The following CLEC17A variants were observed in gnomAD, a reference collection of about 807,000 sequenced individuals.
The protein encoded by CLEC17A is C-type lectin domain family 17, member A.
In CLEC17A, 37 loss-of-function variants were observed where a neutral mutation model predicts 61.3. The observed-to-expected ratio is 0.60, with a 90% CI of 0.46 to 0.79. The LOEUF (loss-of-function observed/expected upper bound fraction) is 0.79, where lower values mean the gene tolerates loss of function less well. Ranked by LOEUF, CLEC17A falls within the 30% of genes least tolerant of loss-of-function variation. The pLI is 0.00. For synonymous variants in CLEC17A, 168 were observed against 164.9 expected (o/e 1.02, Z -0.14); for missense variants, 418 against 464.7 (o/e 0.90, Z 0.92).
chr19:14,581,124 A>T (rs1177978971), upstream of CLEC17A, among the ~76,000 whole-genome samples: 1 of 152,178 alleles, frequency 6.6e-6, no homozygotes, highest in Non-Finnish European at 1.5e-5. Flanking sequence ...ATGGAAACCC[A>T]ACCTAATGTT....
At chr19:14,593,016 A>G (rs2146690620) in intron 4 of CLEC17A, among the ~76,000 whole-genome samples, 1 of 152,190 alleles carries the variant, frequency 6.6e-6, no homozygotes, top group Middle Eastern at 3.4e-3. Context: ...GTTGGCTGCA[A>G]AGTCCCCGAG....
upstream of CLEC17A, among the ~76,000 whole-genome samples, chr19:14,582,418 A>T (rs1421240603): frequency 3.3e-5 from 5 of 151,496 alleles, no homozygotes; most frequent in African/African-American, 4.8e-5. Context: ...TTCACTGTGT[A>T]AGCCAGGATG....
intron 10 of CLEC17A, among the ~76,000 whole-genome samples, chr19:14,597,819 G>T (rs541887000): frequency 6.6e-6 from 1 of 152,186 alleles, no homozygotes; most frequent in African/African-American, 2.4e-5. Context: ...GACTAAGCTC[G>T]TTTCAAACTC....
rs1568457320 is a variant in CLEC17A at position 14,599,448 on chromosome 19, C to T, written c.647-269C>T. Among the ~76,000 whole-genome samples, 4 of 152,100 alleles carry T rather than the reference C, an allele frequency of 2.6e-5. No individual in the cohort carries two copies. The South Asian group carries it at 8.3e-4, about 32-fold the overall frequency. On this transcript the variant is annotated intron_variant, in intron 10 of 13. Coordinates refer to ENST00000417570, the MANE Select transcript of CLEC17A (RefSeq NM_001204118.2). ...TGCCTCTTCCTCACCTCACAGTTATCGAATCACTTTCTTCCTTTAAAACCC... is the reference window on the plus strand; with the variant it reads ...TGCCTCTTCCTCACCTCACAGTTATTGAATCACTTTCTTCCTTTAAAACCC...
chr19:14,584,852 T>C (rs1457457466), intron 2 of CLEC17A, among the ~76,000 whole-genome samples: 4 of 151,124 alleles, frequency 2.6e-5, no homozygotes, highest in Non-Finnish European at 1.5e-5. Context: ...CTCTCTACTA[T>C]AGCCCAGCCT....
chr19:14,597,009 T>A lies in CLEC17A; in HGVS notation c.579T>A (p.Ile193=). The change falls in exon 9 of 14, where the codon ATT becomes ATA. Residue 193 remains isoleucine, a synonymous_variant. Coordinates refer to ENST00000417570, the MANE Select transcript of CLEC17A (RefSeq NM_001204118.2). The part of the protein sequence containing the change: ...LGCLGLTVTL[I]KYQELMEELR... ...GCCTTGGTCTCACTGTGACCCTGAT[T>A]AAGTGTGAGTAGGGCCAGGAAGGGA... The A allele has an allele frequency of 2.5e-6, 4 of 1,610,104 alleles. No homozygotes were observed. The highest frequency in any genetic ancestry group is 1.1e-5 in the South Asian group (1 of 90,216).
chr19:14,608,945 G>T (rs113979155), intron 13 of CLEC17A, among the ~76,000 whole-genome samples: 1 of 151,622 alleles, frequency 6.6e-6, no homozygotes, highest in Non-Finnish European at 1.5e-5. Context: ...GATTACAGGC[G>T]CCCGCCACCA....
At chr19:14,587,779 C>G in intron 3 of CLEC17A, 88 bp downstream of exon 3, 1 of 1,577,578 alleles carries the variant, frequency 6.3e-7, no homozygotes. Context: ...GACACACAGT[C>G]AGTCTCCTCT....
Position 14,583,568 on chromosome 19 carries a change from C to T in CLEC17A, c.121+134C>T, listed in dbSNP as rs912322466. ...CATGCCGGGCACTGTGGAACCCACA[C>T]CCTGCCCAGGACGACCTGTCAGTCT... On this transcript the variant is annotated intron_variant, in intron 2 of 13. Coordinates refer to ENST00000417570, the MANE Select transcript of CLEC17A (RefSeq NM_001204118.2). The T allele has an allele frequency of 5.2e-5, 79 of 1,519,028 alleles. No homozygotes were observed. The South Asian group carries it at 9.5e-4, about 18-fold the overall frequency. 94.1% of individuals were successfully genotyped at this position (1,519,028 alleles called of 1,614,324 possible). A position where few individuals can be genotyped will look rare whatever the true frequency, so the allele number is the denominator to read the frequency against.
chr19:14,583,440 A>G lies in CLEC17A; in HGVS notation c.121+6A>G. ...GGACCTTCCTCCCAAGCCAGGTAAG[A>G]GGACTTTTTGGAGTGTGACCTGGGG... On this transcript the variant is annotated splice_donor_region_variant and intron_variant, in intron 2 of 13. Transcript: ENST00000417570. The G allele has an allele frequency of 1.2e-6, 2 of 1,612,528 alleles. No homozygotes were observed. The highest frequency in any genetic ancestry group is 1.1e-5 in the South Asian group (1 of 90,880).
chr19:14,580,971 A>G (rs997640455), upstream of CLEC17A, among the ~76,000 whole-genome samples: 6 of 152,172 alleles, frequency 3.9e-5, no homozygotes, highest in Non-Finnish European at 8.8e-5. Flanking sequence ...ACCTCAATTA[A>G]GACCGGGGCT....
chr19:14,590,484 G>A (rs1158394466), intron 3 of CLEC17A, among the ~76,000 whole-genome samples: 3 of 151,656 alleles, frequency 2.0e-5, no homozygotes, highest in African/African-American at 7.3e-5. Flanking sequence ...TGCCTCCCGG[G>A]TTCAAGTGAT....
At position 14,599,713 on chromosome 19, in the gene CLEC17A, A is replaced by T. The variant is rs1040730538; in HGVS notation, c.647-4A>T. 1 of 1,611,696 alleles carries T rather than the reference A, an allele frequency of 6.2e-7. No homozygotes were observed. Among genetic ancestry groups the T allele is most frequent in the African/African-American group, 1.3e-5 (1 of 74,858 alleles). On this transcript the variant is annotated splice_polypyrimidine_tract_variant and splice_region_variant and intron_variant, in intron 10 of 13. Transcript: ENST00000417570. The stretch of plus-strand genomic sequence containing the variant: ...GTAGCCCTCAAGCCCATCCCTTCTG[A>T]CAGTGACTGGCATGGCAGGGCTAGC...
chr19:14,593,418 G>C (rs1358823635), intron 4 of CLEC17A, among the ~76,000 whole-genome samples: 1 of 151,840 alleles, frequency 6.6e-6, no homozygotes, highest in East Asian at 1.9e-4. Context: ...AAGCCAAGGT[G>C]GGAGCATCAC....
At chr19:14,592,452 C>T (rs1429795355) in intron 4 of CLEC17A, 94 bp downstream of exon 4, 1 of 1,567,842 alleles carries the variant, frequency 6.4e-7, no homozygotes, top group Non-Finnish European at 8.6e-7. Flanking sequence ...CAGTCAGTCT[C>T]CTCTGTATCC....
rs974277742 is a variant in CLEC17A, at chr19:14,583,448, T to C, written c.121+14T>C. The C allele has an allele frequency of 6.2e-7, 1 of 1,612,244 alleles. No individual in the cohort carries two copies. Among genetic ancestry groups the C allele is most frequent in the Non-Finnish European group, 8.5e-7 (1 of 1,179,108 alleles). On this transcript the variant is annotated intron_variant, in intron 2 of 13. Coordinates refer to ENST00000417570, the MANE Select transcript of CLEC17A (RefSeq NM_001204118.2). ...CTCCCAAGCCAGGTAAGAGGACTTT[T>C]TGGAGTGTGACCTGGGGGAATACAG...
At chr19:14,595,337 C>T in intron 8 of CLEC17A, 22 bp downstream of exon 8, 1 of 1,613,472 alleles carries the variant, frequency 6.2e-7, no homozygotes, top group South Asian at 1.1e-5. Context: ...CCCATTTCCC[C>T]TCTGACAGTG....
chr19:14,605,315 C>T (rs917827443), intron 12 of CLEC17A, among the ~76,000 whole-genome samples: 2 of 152,090 alleles, frequency 1.3e-5, no homozygotes, highest in African/African-American at 4.8e-5. Context: ...AAGCTGGTCT[C>T]GAACTCCTGA....
intron 3 of CLEC17A, chr19:14,588,325 C>CA (rs577433509): frequency 0.27 from 25,166 of 93,616 alleles, 3,867 homozygotes; most frequent in African/African-American, 0.49. Context: ...CCATCTCTGC[C>CA]AAAAAAAAAA....
Sources: allele counts gnomAD v4.1 joint callset (sites outside exome capture counted in the v4.1 genomes callset), GRCh38; gene constraint gnomAD v4.1.1; transcripts MANE v1.5; gene names NCBI Gene and HGNC (gene_info 2026-07-23, HGNC 2026-07-21).